Variants in FGF5 observed in about 807,000 individuals in gnomAD.
FGF5 encodes fibroblast growth factor 5, also known as heparin-binding growth factor 5.
Under a neutral mutation model 21.8 loss-of-function variants are expected in FGF5, and 23 were observed. That is an observed-to-expected ratio of 1.05 (90% CI 0.76 to 1.49). The LOEUF is 1.49. Among genes scored for constraint, FGF5 ranks in the 40% most tolerant of loss-of-function variants. The pLI is 0.00. For missense variants in FGF5, 352 were observed against 332.9 expected (o/e 1.06, Z -0.45); for synonymous variants, 158 against 124.0 (o/e 1.27, Z -1.82).
intron 2 of FGF5, 49 bp downstream of exon 2, chr4:80,275,061 A>C (rs747301906): frequency 1.3e-6 from 1 of 787,378 alleles, no homozygotes; most frequent in Admixed American, 2.7e-5. Context: ...AAGATTTTAC[A>C]TTTGTAAAAC....
rs1390585964 is a variant in FGF5, at chr4:80,287,082, T to G, written c.*410T>G. Reference sequence around the variant, plus strand: ...AGATAAAATATTTTGTTAACTTTTGTTTTTTTTTGTTTGTTTTCTTAAAAG... The same window carrying G: ...AGATAAAATATTTTGTTAACTTTTGGTTTTTTTTGTTTGTTTTCTTAAAAG... On this transcript the variant is annotated 3_prime_UTR_variant, in exon 3 of 3. Coordinates refer to ENST00000312465, the MANE Select transcript of FGF5 (RefSeq NM_004464.4). 2 of 154,096 alleles carry G rather than the reference T, an allele frequency of 1.3e-5. No individual in the cohort carries two copies. The highest frequency in any genetic ancestry group is 1.9e-4 in the East Asian group (1 of 5,394). 9.5% of individuals were successfully genotyped at this position (154,096 alleles called of 1,614,324 possible). A position where few individuals can be genotyped will look rare whatever the true frequency, so the allele number is the denominator to read the frequency against.
chr4:80,282,598 A>G (rs1409669958), intron 2 of FGF5, among the ~76,000 whole-genome samples: 1 of 152,198 alleles, frequency 6.6e-6, no homozygotes, highest in Non-Finnish European at 1.5e-5. Flanking sequence ...ATATCTGTGG[A>G]ATAAATTAGT....
In FGF5 at chr4:80,286,735, G is replaced by C; in HGVS notation, c.*63G>C. The C allele has an allele frequency of 7.8e-7, 1 of 1,280,624 alleles. No individual in the cohort carries two copies. The highest frequency in any genetic ancestry group is 2.4e-5 in the East Asian group (1 of 41,642). 79.3% of individuals were successfully genotyped at this position (1,280,624 alleles called of 1,614,324 possible). A position where few individuals can be genotyped will look rare whatever the true frequency, so the allele number is the denominator to read the frequency against. On this transcript the variant is annotated 3_prime_UTR_variant, in exon 3 of 3. Coordinates refer to ENST00000312465, the MANE Select transcript of FGF5 (RefSeq NM_004464.4). ...TCAGGAGTTTCTATAGGTGTCTTCAGAGTTCTGAAGAAAAATTACTGGACA... is the reference window on the plus strand; with the variant it reads ...TCAGGAGTTTCTATAGGTGTCTTCACAGTTCTGAAGAAAAATTACTGGACA...
In FGF5 at chr4:80,275,132, G is replaced by A. The variant is rs1720376457; in HGVS notation, c.459+120G>A. The stretch of plus-strand genomic sequence containing the variant: ...GCCCAAAGAACTTAACTTTTAAAAA[G>A]TATTTTTACATTTAACCAAGATAAT... On this transcript the variant is annotated intron_variant, in intron 2 of 2. Transcript: ENST00000312465. 5 of 471,754 alleles carry A rather than the reference G, an allele frequency of 1.1e-5. No homozygotes were observed. In the South Asian group the frequency reaches 1.8e-4, roughly 17 times the overall value. 29.2% of individuals were successfully genotyped at this position (471,754 alleles called of 1,614,324 possible).
chr4:80,286,760 A>T lies in FGF5; in HGVS notation c.*88A>T. On this transcript the variant is annotated 3_prime_UTR_variant, in exon 3 of 3. Coordinates refer to ENST00000312465, the MANE Select transcript of FGF5 (RefSeq NM_004464.4). ...GAGTTCTGAAGAAAAATTACTGGACACAGCTTCAGCTATACTTACACTGTA... is the reference window on the plus strand; with the variant it reads ...GAGTTCTGAAGAAAAATTACTGGACTCAGCTTCAGCTATACTTACACTGTA... 1 of 948,792 alleles carries T rather than the reference A, an allele frequency of 1.1e-6. No individual in the cohort carries two copies. Among genetic ancestry groups the T allele is most frequent in the Non-Finnish European group, 1.6e-6 (1 of 626,384 alleles). The allele number at this position is 948,792 out of a possible 1,614,324, so 58.8% of individuals were successfully genotyped here. A position where few individuals can be genotyped will look rare whatever the true frequency, so the allele number is the denominator to read the frequency against.
At chr4:80,282,008 G>C (rs181343847) in intron 2 of FGF5, among the ~76,000 whole-genome samples, 55 of 152,120 alleles carry the variant, frequency 3.6e-4, no homozygotes, top group Admixed American at 2.6e-3. Flanking sequence ...TGTTGCCCAG[G>C]CTAGAGTGCA....
chr4:80,284,768 A>G (rs1224889785), intron 2 of FGF5, among the ~76,000 whole-genome samples: 3 of 152,234 alleles, frequency 2.0e-5, no homozygotes, highest in Admixed American at 2.0e-4. Flanking sequence ...TGCAATATTC[A>G]GATTTTTAGA....
At position 80,267,236 on chromosome 4, in the gene FGF5, G is replaced by A. The variant is rs181197131; in HGVS notation, c.355+57G>A. ...CTAGGCGGCCGCGGAAGATTCGGGA[G>A]GGACAGCAGGTATTCGCCGGGACAC... On this transcript the variant is annotated intron_variant, in intron 1 of 2. Coordinates refer to ENST00000312465, the MANE Select transcript of FGF5 (RefSeq NM_004464.4). 6.3e-5 allele frequency: 87 copies of A among 1,374,702 alleles called. No individual in the cohort carries two copies. The East Asian group carries it at 1.9e-3, about 29-fold the overall frequency. The allele number at this position is 1,374,702 out of a possible 1,614,324, so 85.2% of individuals were successfully genotyped here.
At chr4:80,269,381 A>G (rs944162249) in intron 1 of FGF5, among the ~76,000 whole-genome samples, 12 of 152,316 alleles carry the variant, frequency 7.9e-5, no homozygotes, top group Admixed American at 3.9e-4. Context: ...CATCTTCTCT[A>G]CGAAGACACT....
chr4:80,271,045 G>T (rs1057457803), intron 1 of FGF5, among the ~76,000 whole-genome samples: 2 of 152,174 alleles, frequency 1.3e-5, no homozygotes, highest in Admixed American at 1.3e-4. Context: ...CTGTTACTTT[G>T]TGGATGCAAG....
chr4:80,272,556 T>C (rs1720298580), intron 1 of FGF5, among the ~76,000 whole-genome samples: 1 of 152,162 alleles, frequency 6.6e-6, no homozygotes. Context: ...TTATAAAGCC[T>C]TTTTATCTCA....
intron 1 of FGF5, among the ~76,000 whole-genome samples, chr4:80,269,822 A>C (rs554476099): frequency 3.7e-4 from 57 of 152,238 alleles, no homozygotes; most frequent in Non-Finnish European, 5.7e-4. Flanking sequence ...AAGCATAGCA[A>C]ATATTCAAAT....
At chr4:80,276,151 C>T (rs1720404510) in intron 2 of FGF5, among the ~76,000 whole-genome samples, 1 of 151,958 alleles carries the variant, frequency 6.6e-6, no homozygotes, top group South Asian at 2.1e-4. Context: ...TTTGAGGATT[C>T]GATGAGATAA....
intron 1 of FGF5, among the ~76,000 whole-genome samples, chr4:80,272,464 T>A (rs1240853221): frequency 6.6e-6 from 1 of 152,118 alleles, no homozygotes; most frequent in Non-Finnish European, 1.5e-5. Flanking sequence ...TCTAAATGGG[T>A]CTTTGTTTAA....
chr4:80,279,393 TG>T (rs959238205), intron 2 of FGF5, among the ~76,000 whole-genome samples: 2 of 152,244 alleles, frequency 1.3e-5, no homozygotes, highest in Non-Finnish European at 2.9e-5. Context: ...CTCAGGCAGC[TG>T]TTTGACAATC....
At position 80,271,271 on chromosome 4, in the gene FGF5, G is replaced by GT. The variant is rs200589496; in HGVS notation, c.356-3629dup. Among the ~76,000 whole-genome samples, 1,067 of 150,532 alleles carry GT rather than the reference G, an allele frequency of 7.1e-3. 15 individuals carry two copies. Among genetic ancestry groups the GT allele is most frequent in the African/African-American group, 0.02 (819 of 41,200 alleles). On this transcript the variant is annotated intron_variant, in intron 1 of 2. Transcript: ENST00000312465. ...GACTAAGTCAAAAATCTAGAAATAT[G>GT]TTTTTTTTTACGGAAGTAAGCTTAC... is the stretch of plus-strand genomic sequence containing the variant.
chr4:80,275,729 G>T (rs1359621867), intron 2 of FGF5, among the ~76,000 whole-genome samples: 4 of 151,914 alleles, frequency 2.6e-5, no homozygotes, highest in Admixed American at 6.6e-5. Context: ...AATAAAATAT[G>T]TTCAGCTTAG....
chr4:80,268,773 C>G (rs931793526), intron 1 of FGF5, among the ~76,000 whole-genome samples: 3 of 152,216 alleles, frequency 2.0e-5, no homozygotes, highest in African/African-American at 7.2e-5. Flanking sequence ...CCTCCGCACA[C>G]GCACCAGCGA....
At chr4:80,268,063 A>C (rs1720148453) in intron 1 of FGF5, among the ~76,000 whole-genome samples, 1 of 152,158 alleles carries the variant, frequency 6.6e-6, no homozygotes, top group Non-Finnish European at 1.5e-5. Context: ...TTTATAAACA[A>C]AGTTTTAAAT....
Sources: allele counts gnomAD v4.1 joint callset (sites outside exome capture counted in the v4.1 genomes callset), GRCh38; gene constraint gnomAD v4.1.1; transcripts MANE v1.5; gene names NCBI Gene and HGNC (gene_info 2026-07-23, HGNC 2026-07-21).